EIF4G3: variants seen among roughly 807,000 people sequenced by gnomAD.
The protein encoded by EIF4G3 is eukaryotic translation initiation factor 4 gamma 3, also known as eIF-4-gamma 3.
In EIF4G3, 34 loss-of-function variants were observed where a neutral mutation model predicts 186.4. The ratio of observed to expected loss-of-function variants is 0.18; its 90% confidence interval spans 0.14 to 0.24. The LOEUF (loss-of-function observed/expected upper bound fraction) is 0.24, where lower values mean the gene tolerates loss of function less well. Among genes scored for constraint, EIF4G3 ranks in the 10% least tolerant of loss-of-function variants. EIF4G3 has a pLI of 1.00. For missense variants in EIF4G3, 1,536 were observed against 1,948.5 expected, an observed-to-expected ratio of 0.79 and a Z score of 3.99; for synonymous variants, 673 against 679.5, an observed-to-expected ratio of 0.99 and a Z score of 0.15.
intron 12 of EIF4G3, among the ~76,000 whole-genome samples, chr1:20,959,797 T>C (rs1291764407): frequency 5.3e-5 from 8 of 152,004 alleles, no homozygotes; most frequent in Non-Finnish European, 1.5e-5. Context: ...ACATCACTAA[T>C]GATCAAGGAA....
chr1:20,953,213 T>C (rs2096285870), intron 12 of EIF4G3, among the ~76,000 whole-genome samples: 1 of 152,164 alleles, frequency 6.6e-6, no homozygotes, highest in South Asian at 2.1e-4. Context: ...AAGGTCAGGG[T>C]CATTTAGCAA....
intron 4 of EIF4G3, among the ~76,000 whole-genome samples, chr1:21,014,715 A>G (rs190108823): frequency 9.4e-6 from 1 of 106,142 alleles, no homozygotes; most frequent in African/African-American, 3.3e-5. Context: ...GCTCACTGCA[A>G]CCTCTGTCCC....
intron 4 of EIF4G3, among the ~76,000 whole-genome samples, chr1:21,028,225 C>A (rs1490889160): frequency 1.3e-5 from 2 of 152,036 alleles, no homozygotes; most frequent in African/African-American, 2.4e-5. Context: ...GTGATCACTG[C>A]ATATTATCAA....
intron 13 of EIF4G3, among the ~76,000 whole-genome samples, chr1:20,945,692 T>C (rs1302959225): frequency 6.6e-6 from 1 of 152,188 alleles, no homozygotes; most frequent in Admixed American, 6.5e-5. Flanking sequence ...CTTGAATTCT[T>C]GAGCTCAAGC....
At chr1:21,012,596 A>G (rs1204939939) in intron 4 of EIF4G3, among the ~76,000 whole-genome samples, 3 of 152,212 alleles carry the variant, frequency 2.0e-5, no homozygotes, top group African/African-American at 7.2e-5. Context: ...AACCGGTAAG[A>G]ACCTGGAGAA....
chr1:21,151,731 A>C (rs962329314), intron 2 of EIF4G3, among the ~76,000 whole-genome samples: 45 of 145,202 alleles, frequency 3.1e-4, no homozygotes, highest in Admixed American at 1.8e-3. Flanking sequence ...AAAAAAAAAA[A>C]CAGGGCTAAT....
At chr1:21,004,589 T>A (rs1010645554) in intron 4 of EIF4G3, among the ~76,000 whole-genome samples, 2 of 152,152 alleles carry the variant, frequency 1.3e-5, no homozygotes, top group African/African-American at 4.8e-5. Flanking sequence ...AAATCACCTT[T>A]ATTTATCACT....
At chr1:21,015,756 G>GAAAAA (rs71569803) in intron 4 of EIF4G3, among the ~76,000 whole-genome samples, 1 of 132,134 alleles carries the variant, frequency 7.6e-6, no homozygotes, top group African/African-American at 2.8e-5. Flanking sequence ...TGAAAGGAAA[G>GAAAAA]AAAAAAAAAA....
At position 20,810,939 on chromosome 1, in the gene EIF4G3, C is replaced by A. The variant is rs2059115772; in HGVS notation, c.4598-55G>T. ...ATTTAAGGAGTTAACATAGAATTAT[C>A]TTTAATTTTCTTTCTTTTTTCTTTT... On this transcript the variant is annotated intron_variant, in intron 35 of 36. Coordinates refer to ENST00000602326, the MANE Select transcript of EIF4G3 (RefSeq NM_001391906.1). This position sits in a 1 kb window ranked among gnomAD's most constrained non-coding sequence, Gnocchi z 4.1. 3 of 1,526,898 alleles carry A rather than the reference C, an allele frequency of 2.0e-6. No homozygotes were observed. The highest frequency in any genetic ancestry group is 8.9e-7 in the Non-Finnish European group (1 of 1,123,598). The allele number at this position is 1,526,898 out of a possible 1,614,324, so 94.6% of individuals were successfully genotyped here.
At chr1:21,076,065 G>A (rs1460231423) in intron 3 of EIF4G3, among the ~76,000 whole-genome samples, 7 of 152,026 alleles carry the variant, frequency 4.6e-5, no homozygotes, top group Admixed American at 1.3e-4. Context: ...ATCAGCACAC[G>A]GGTTCTCCAA....
chr1:21,152,868 T>C (rs562751257), intron 2 of EIF4G3, among the ~76,000 whole-genome samples: 37 of 152,176 alleles, frequency 2.4e-4, no homozygotes, highest in Non-Finnish European at 4.7e-4. Flanking sequence ...CACTCTGTCA[T>C]CCTAGCAACT....
chr1:20,871,960 G>A (rs1044499330), intron 20 of EIF4G3, among the ~76,000 whole-genome samples: 2 of 151,864 alleles, frequency 1.3e-5, no homozygotes, highest in Admixed American at 6.6e-5. Flanking sequence ...AGTAGCTGGC[G>A]TGATAGGCAT....
At chr1:21,037,959 G>T (rs1316923807) in intron 4 of EIF4G3, among the ~76,000 whole-genome samples, 1 of 152,118 alleles carries the variant, frequency 6.6e-6, no homozygotes, top group Non-Finnish European at 1.5e-5. Flanking sequence ...CTGGAGAAGG[G>T]GACCCAGGCA....
intron 33 of EIF4G3, among the ~76,000 whole-genome samples, chr1:20,824,888 T>C (rs1447391383): frequency 1.3e-5 from 2 of 152,128 alleles, no homozygotes; most frequent in Non-Finnish European, 2.9e-5. Flanking sequence ...TATAGGTTGC[T>C]AAGTCTTTTA....
At chr1:20,989,558 A>T (rs1292990276) in intron 7 of EIF4G3, among the ~76,000 whole-genome samples, 1 of 3,884 alleles carries the variant, frequency 2.6e-4, no homozygotes, top group African/African-American at 3.3e-4. Flanking sequence ...ACTCCAACTC[A>T]AAAAAAAAAA....
intron 2 of EIF4G3, among the ~76,000 whole-genome samples, chr1:21,092,537 T>C (rs1449918336): frequency 1.3e-5 from 2 of 152,154 alleles, no homozygotes; most frequent in African/African-American, 4.8e-5. Context: ...AGGTAATTTA[T>C]AGATTCATTG....
At chr1:20,940,224 G>A (rs2095665477) in intron 14 of EIF4G3, among the ~76,000 whole-genome samples, 2 of 152,168 alleles carry the variant, frequency 1.3e-5, no homozygotes, top group African/African-American at 4.8e-5. Context: ...CAAGGAACAA[G>A]TTTCCTAAAA....
At chr1:20,807,623 T>C in intron 36 of EIF4G3, 123 bp from the exon 37 acceptor site, 1 of 834,602 alleles carries the variant, frequency 1.2e-6, no homozygotes, top group Non-Finnish European at 1.7e-6. Flanking sequence ...AAAGCAATAA[T>C]GACAATTCAC....
chr1:20,889,495 ATTTATTTTT>A (rs1402071847), intron 18 of EIF4G3, among the ~76,000 whole-genome samples: 1 of 152,108 alleles, frequency 6.6e-6, no homozygotes, highest in Non-Finnish European at 1.5e-5. Flanking sequence ...AAGTAATTTT[ATTTATTTTT>A]TTTATTTTTT....
Sources: allele counts gnomAD v4.1 joint callset (sites outside exome capture counted in the v4.1 genomes callset), GRCh38; gene constraint gnomAD v4.1.1; non-coding constraint Gnocchi (gnomAD v3.1); transcripts MANE v1.5; gene names NCBI Gene and HGNC (gene_info 2026-07-23, HGNC 2026-07-21).